The following FA2H variants were observed in gnomAD, a reference collection of about 807,000 sequenced individuals.
FA2H encodes fatty acid alpha-hydroxylase.
FA2H carries 22 observed loss-of-function variants against 44.9 expected under a neutral mutation model. That is an observed-to-expected ratio of 0.49 (90% confidence interval 0.35 to 0.70). FA2H has a LOEUF of 0.70. Among genes scored for constraint, FA2H ranks in the 30% least tolerant of loss-of-function variants. The pLI, the probability that FA2H is intolerant of heterozygous loss-of-function variation, is 0.01. For missense variants in FA2H, 501 were observed against 504.9 expected, an observed-to-expected ratio of 0.99 and a Z score of 0.07; for synonymous variants, 243 against 213.2, an observed-to-expected ratio of 1.14 and a Z score of -1.22.
chr16:74,715,709 A>T (rs1412152318), intron 6 of FA2H, among the ~76,000 whole-genome samples: 1 of 152,150 alleles, frequency 6.6e-6, no homozygotes, highest in South Asian at 2.1e-4. Flanking sequence ...CCACTAGAAA[A>T]TTTAAAATCA....
chr16:74,757,542 C>T (rs1489388088), intron 1 of FA2H, among the ~76,000 whole-genome samples: 1 of 152,102 alleles, frequency 6.6e-6, no homozygotes, highest in Non-Finnish European at 1.5e-5. Context: ...TGTAAGAATG[C>T]TTCTTGTGAC....
intron 4 of FA2H, among the ~76,000 whole-genome samples, chr16:74,724,288 C>T (rs1961901708): frequency 6.6e-6 from 1 of 152,172 alleles, no homozygotes; most frequent in African/African-American, 2.4e-5. Flanking sequence ...CCGGGCCCCG[C>T]ACACCACCCC....
At chr16:74,720,500 C>A (rs1961812737) in intron 4 of FA2H, among the ~76,000 whole-genome samples, 3 of 151,942 alleles carry the variant, frequency 2.0e-5, no homozygotes, top group Admixed American at 2.0e-4. Context: ...CCAGCCCATC[C>A]TCATCCTCTT....
chr16:74,730,770 C>A (rs899625989), intron 2 of FA2H, among the ~76,000 whole-genome samples: 1 of 152,220 alleles, frequency 6.6e-6, no homozygotes, highest in Non-Finnish European at 1.5e-5. Context: ...ATGTGTCAAG[C>A]ATGGTTCTAA....
intron 1 of FA2H, among the ~76,000 whole-genome samples, chr16:74,751,932 G>A (rs35524707): frequency 0.037 from 5,655 of 152,188 alleles, 179 homozygotes; most frequent in East Asian, 0.14. Flanking sequence ...CTCAAACCTG[G>A]CCCCGGTGAG....
In FA2H at chr16:74,740,097, G is replaced by A; in HGVS notation, c.289C>T (p.Pro97Ser). 1 of 1,613,616 alleles carries A rather than the reference G, an allele frequency of 6.2e-7. No individual in the cohort carries two copies. The highest frequency in any genetic ancestry group is 1.7e-5 in the Admixed American group (1 of 60,026). The part of the protein sequence containing the change: ...GEQQGSMENE[P>S]VALEETQKTD... ...TTCTGAGTTTCCTCAAGGGCTACAGGCTCGTTCTCCATGGAGCCCTGGAAG... is the reference window on the plus strand; with the variant it reads ...TTCTGAGTTTCCTCAAGGGCTACAGACTCGTTCTCCATGGAGCCCTGGAAG... The change falls in exon 2 of 7, where the codon CCT (proline) becomes TCT (serine). Residue 97 changes from proline (P) to serine (S), a missense_variant. Transcript: ENST00000219368.
At chr16:74,750,328 G>C (rs954394069) in intron 1 of FA2H, among the ~76,000 whole-genome samples, 1 of 152,116 alleles carries the variant, frequency 6.6e-6, no homozygotes, top group Non-Finnish European at 1.5e-5. Flanking sequence ...GAATTATCCT[G>C]TATTTTGCTA....
chr16:74,751,630 G>A (rs1157043960), intron 1 of FA2H, among the ~76,000 whole-genome samples: 1 of 151,900 alleles, frequency 6.6e-6, no homozygotes, highest in African/African-American at 2.4e-5. Flanking sequence ...TACACATTCT[G>A]GTGTGATCAA....
At chr16:74,765,845 C>A (rs892780384) in intron 1 of FA2H, among the ~76,000 whole-genome samples, 1 of 152,018 alleles carries the variant, frequency 6.6e-6, no homozygotes, top group Non-Finnish European at 1.5e-5. Flanking sequence ...TGAGCCCATA[C>A]CCAGAGCATT....
rs113450697 is a variant in FA2H at position 74,716,105 on chromosome 16, C to T, written c.1039+242G>A. ...CCTCGGCTGGGATTACAGGTGTGAG[C>T]CACCACACCCAGCCCCTTTATTTTC... On this transcript the variant is annotated intron_variant, in intron 6 of 6. Coordinates refer to ENST00000219368, the MANE Select transcript of FA2H (RefSeq NM_024306.5). Among the ~76,000 whole-genome samples the T allele has an allele frequency of 0.039, 5,907 of 152,228 alleles. 165 individuals carry two copies. Among genetic ancestry groups the T allele is most frequent in the African/African-American group, 0.07 (2,896 of 41,508 alleles).
At chr16:74,764,096 C>T (rs888644309) in intron 1 of FA2H, among the ~76,000 whole-genome samples, 1 of 152,106 alleles carries the variant, frequency 6.6e-6, no homozygotes. Flanking sequence ...TTGTTGTTCT[C>T]GAATTTTGTT....
At chr16:74,746,378 A>ATT (rs920013678) in intron 1 of FA2H, among the ~76,000 whole-genome samples, 2 of 72,546 alleles carry the variant, frequency 2.8e-5, no homozygotes, top group Non-Finnish European at 3.5e-5. Context: ...TATTATTATT[A>ATT]TTTTTTTTTT....
chr16:74,765,094 G>A (rs1962784346), intron 1 of FA2H, among the ~76,000 whole-genome samples: 2 of 152,020 alleles, frequency 1.3e-5, no homozygotes, highest in Non-Finnish European at 2.9e-5. Context: ...TTGCTTGATG[G>A]TTCTCCATCC....
intron 6 of FA2H, among the ~76,000 whole-genome samples, chr16:74,714,858 T>G (rs1961659519): frequency 6.8e-6 from 1 of 148,052 alleles, no homozygotes; most frequent in African/African-American, 2.5e-5. Flanking sequence ...TTTTTTGAGA[T>G]GGAGTTTCGT....
intron 4 of FA2H, among the ~76,000 whole-genome samples, chr16:74,722,870 C>T (rs1419028359): frequency 7.0e-6 from 1 of 142,772 alleles, no homozygotes; most frequent in Non-Finnish European, 1.5e-5. Context: ...AAGATCGTGC[C>T]ATTGCACTCC....
intron 4 of FA2H, among the ~76,000 whole-genome samples, chr16:74,724,915 C>T (rs1460000224): frequency 2.0e-5 from 3 of 152,208 alleles, no homozygotes; most frequent in African/African-American, 4.8e-5. Context: ...AGGAATCCGG[C>T]GGAGGGACCT....
intron 1 of FA2H, among the ~76,000 whole-genome samples, chr16:74,760,248 G>A (rs943292812): frequency 2.0e-5 from 3 of 152,174 alleles, no homozygotes; most frequent in Admixed American, 1.3e-4. Context: ...CCAGGCCCCC[G>A]AGGGAGCATG....
rs199815871 is a variant in FA2H at position 74,716,542 on chromosome 16, C to A, written c.844G>T (p.Gly282Cys). The change falls in exon 6 of 7, where the codon GGC becomes TGC. Residue 282 changes from glycine (G) to cysteine (C), a missense_variant. Physicochemically the swap from Gly to Cys is radical, Grantham distance 159. Transcript: ENST00000219368. ...AGCTGCATGCACAAGTAGAAGACGCCGATCACCAGGGAGGCTGGCACAGGG... is the reference window on the plus strand; with the variant it reads ...AGCTGCATGCACAAGTAGAAGACGCAGATCACCAGGGAGGCTGGCACAGGG... Reference protein sequence around the residue: ...FPPVPASLVIGVFYLCMQLIL... With the variant: ...FPPVPASLVICVFYLCMQLIL... The A allele has an allele frequency of 5.6e-6, 9 of 1,608,368 alleles. No individual in the cohort carries two copies. In the South Asian group the frequency reaches 1.0e-4, roughly 18 times the overall value.
At chr16:74,757,455 T>C (rs1962630780) in intron 1 of FA2H, among the ~76,000 whole-genome samples, 1 of 152,210 alleles carries the variant, frequency 6.6e-6, no homozygotes, top group African/African-American at 2.4e-5. Flanking sequence ...ATATAAGATG[T>C]GTATTATTTG....
Sources: gnomAD v4.1 joint callset for allele counts (sites outside exome capture counted in the v4.1 genomes callset) on GRCh38, gnomAD v4.1.1 for gene constraint, MANE v1.5 for transcripts, NCBI Gene and HGNC (gene_info 2026-07-23, HGNC 2026-07-21) for gene names.